Variants in PCLO observed in about 807,000 individuals in gnomAD.
PCLO encodes the protein piccolo presynaptic cytomatrix protein.
Under a neutral mutation model 427.5 loss-of-function variants are expected in PCLO, and 82 were observed. The observed-to-expected ratio is 0.19, with a 90% confidence interval of 0.16 to 0.23. PCLO has a LOEUF of 0.23. PCLO is among the 10% of genes least tolerant of loss of function. The probability of loss-of-function intolerance (pLI) is 1.00; values close to 1 mark genes in which losing one functional copy is unlikely to be tolerated. For missense variants in PCLO, 6,239 were observed against 6,115.9 expected, an observed-to-expected ratio of 1.02 and a Z score of -0.67; for synonymous variants, 2,357 against 2,155.4, an observed-to-expected ratio of 1.09 and a Z score of -2.59.
intron 6 of PCLO, among the ~76,000 whole-genome samples, chr7:82,941,058 G>A (rs955829867): frequency 2.0e-5 from 3 of 151,022 alleles, no homozygotes; most frequent in South Asian, 2.1e-4. Context: ...CACCGTGCCC[G>A]AATGATTTCT....
chr7:82,779,327 A>C (rs1319689479), intron 22 of PCLO, among the ~76,000 whole-genome samples: 1 of 152,150 alleles, frequency 6.6e-6, no homozygotes. Context: ...TTGAATAATA[A>C]CTGAATAATA....
At chr7:82,975,465 A>G (rs556539438) in intron 3 of PCLO, among the ~76,000 whole-genome samples, 2 of 152,300 alleles carry the variant, frequency 1.3e-5, no homozygotes, top group Non-Finnish European at 2.9e-5. Flanking sequence ...GGGTCACACT[A>G]GACTGTCTAG....
At chr7:82,839,623 C>T (rs1001146410) in intron 14 of PCLO, among the ~76,000 whole-genome samples, 2 of 152,046 alleles carry the variant, frequency 1.3e-5, no homozygotes, top group African/African-American at 4.8e-5. Context: ...AAACACTTCC[C>T]CATTCTCTCC....
chr7:82,915,464 T>C lies in PCLO; in HGVS notation c.12522A>G (p.Gln4174=), dbSNP rs1437368712. ...TGGCTGCTGGCAGTTGTTTTGCTGC[T>C]TGTTTTTCAAGTGTGAGTCTACTGA... ...YSISRLTLEK[Q]AAKQLPAAIL... is the part of the protein sequence containing the mutation. The change falls in exon 7 of 25, where the codon CAA becomes CAG. Residue 4174 remains glutamine, a synonymous_variant. Coordinates refer to ENST00000333891, the MANE Select transcript of PCLO (RefSeq NM_033026.6). 1 of 1,613,670 alleles carries C rather than the reference T, an allele frequency of 6.2e-7. No homozygotes were observed.
intron 22 of PCLO, among the ~76,000 whole-genome samples, chr7:82,783,493 G>T (rs1790918812): frequency 6.6e-6 from 1 of 152,074 alleles, no homozygotes; most frequent in Non-Finnish European, 1.5e-5. Flanking sequence ...ATGGTGGCGG[G>T]CTCCTGTAGT....
intron 3 of PCLO, among the ~76,000 whole-genome samples, chr7:83,075,721 TATACACAC>T (rs1257763257): frequency 6.6e-6 from 1 of 152,164 alleles, no homozygotes; most frequent in African/African-American, 2.4e-5. Context: ...CTCATATGTA[TATACACAC>T]ATACACACAC....
At chr7:83,043,439 C>G (rs1789020509) in intron 3 of PCLO, among the ~76,000 whole-genome samples, 1 of 152,108 alleles carries the variant, frequency 6.6e-6, no homozygotes, top group African/African-American at 2.4e-5. Flanking sequence ...TTTGAAATGA[C>G]ATTATTTCAA....
intron 2 of PCLO, among the ~76,000 whole-genome samples, chr7:83,152,090 T>A (rs886954215): frequency 6.6e-6 from 1 of 151,866 alleles, no homozygotes; most frequent in Non-Finnish European, 1.5e-5. Context: ...TCAGCCTCCC[T>A]AGTAGCTGGG....
At chr7:83,040,716 T>A (rs1788953133) in intron 3 of PCLO, among the ~76,000 whole-genome samples, 2 of 152,126 alleles carry the variant, frequency 1.3e-5, no homozygotes, top group Non-Finnish European at 2.9e-5. Flanking sequence ...TAGGCTGAAC[T>A]TCTCCATACT....
intron 9 of PCLO, among the ~76,000 whole-genome samples, chr7:82,891,183 T>G (rs188855540): frequency 5.5e-4 from 84 of 152,274 alleles, no homozygotes; most frequent in Non-Finnish European, 1.1e-3. Flanking sequence ...TTGCCAGTGT[T>G]GGAAATTCCA....
At position 82,822,567 on chromosome 7, in the gene PCLO, T is replaced by G. The variant is rs555710577; in HGVS notation, c.14719A>C (p.Thr4907Pro). The G allele has an allele frequency of 6.2e-7, 1 of 1,613,884 alleles. No individual in the cohort carries two copies. The highest frequency in any genetic ancestry group is 1.7e-5 in the Admixed American group (1 of 60,008). The stretch of plus-strand genomic sequence containing the variant: ...GCAGCCCCTGCATCTTCCAGGTGGG[T>G]CTGAGTGACGCTGGTTTTGCTTTGA... The part of the protein sequence containing the change: ...RSQSKTSVTQ[T>P]HLEDAGAAIA... Residue 4907 changes from threonine to proline, a missense_variant, in exon 20 of 25, where the codon ACC becomes CCC. Physicochemically the swap from Thr to Pro is conservative, Grantham distance 38. This residue lies in a region of PCLO where 877 missense variants were observed against 925.5 expected (regional missense o/e 0.95). Coordinates refer to ENST00000333891, the MANE Select transcript of PCLO (RefSeq NM_033026.6).
At chr7:82,905,796 G>A (rs1794175421) in intron 8 of PCLO, among the ~76,000 whole-genome samples, 1 of 151,984 alleles carries the variant, frequency 6.6e-6, no homozygotes, top group African/African-American at 2.4e-5. Context: ...AGTTGGGTAG[G>A]AATTGCAGAT....
At chr7:83,099,391 G>GT (rs11363474) in intron 3 of PCLO, among the ~76,000 whole-genome samples, 6,650 of 143,634 alleles carry the variant, frequency 0.046, 498 homozygotes, top group African/African-American at 0.16. Context: ...AGATTTTTTT[G>GT]TTTTTTTTTT....
In PCLO at chr7:83,155,977, G is replaced by C. The variant is rs1792286069; in HGVS notation, c.664C>G (p.Gln222Glu). ...QQQPPKPIPKQQGPGRDPLQQ... is the reference protein window; with the variant it reads ...QQQPPKPIPKEQGPGRDPLQQ... ...AGCGGATCCCTACCAGGTCCTTGCT[G>C]CTTAGGAATCGGCTTGGGTGGCTGT... is the stretch of plus-strand genomic sequence containing the variant. The change falls in exon 2 of 25, where the codon CAG becomes GAG. Residue 222 changes from glutamine (Q) to glutamate (E), a missense_variant. Transcript: ENST00000333891. 1 of 1,613,628 alleles carries C rather than the reference G, an allele frequency of 6.2e-7. No individual in the cohort carries two copies. Among genetic ancestry groups the C allele is most frequent in the African/African-American group, 1.3e-5 (1 of 74,832 alleles).
At chr7:83,141,379 G>A (rs1001063228) in intron 2 of PCLO, among the ~76,000 whole-genome samples, 1 of 152,140 alleles carries the variant, frequency 6.6e-6, no homozygotes, top group Admixed American at 6.5e-5. Context: ...CCTATCTATA[G>A]CCTTACTTAC....
chr7:83,145,707 ATG>A (rs1312504586), intron 2 of PCLO, among the ~76,000 whole-genome samples: 14 of 152,216 alleles, frequency 9.2e-5, no homozygotes, highest in Non-Finnish European at 1.8e-4. Context: ...ATAACACTGA[ATG>A]TTTACCTACA....
intron 9 of PCLO, among the ~76,000 whole-genome samples, chr7:82,891,742 T>G (rs1262402173): frequency 6.6e-6 from 1 of 152,112 alleles, no homozygotes; most frequent in Non-Finnish European, 1.5e-5. Flanking sequence ...GTTTTTATCA[T>G]GAAGCGCTGT....
chr7:82,761,361 G>C lies in PCLO; in HGVS notation c.15140C>G (p.Pro5047Arg). 7.0e-7 allele frequency: 1 copy of C among 1,438,030 alleles called. No homozygotes were observed. The allele number at this position is 1,438,030 out of a possible 1,614,324, so 89.1% of individuals were successfully genotyped here. A position where few individuals can be genotyped will look rare whatever the true frequency, so the allele number is the denominator to read the frequency against. Residue 5047 changes from proline to arginine, a missense_variant and splice_region_variant, in exon 23 of 25, where the codon CCA becomes CGA. Around this residue, in one of 5 missense-constraint regions of PCLO, gnomAD observed 877 missense variants for 925.5 expected, o/e 0.95. Coordinates refer to ENST00000333891, the MANE Select transcript of PCLO (RefSeq NM_033026.6). ...ATGATTATAATAGAATTAGATACCT[G>C]GTAGATGATCAGGAGACTTAAATTT... is the stretch of plus-strand genomic sequence containing the variant. ...TYKFKSPDHL[P>R]DLYVKIYVMN...
In PCLO at chr7:82,998,391, AAACAACAACAAC is replaced by A. The variant is rs79603092; in HGVS notation, c.3301-31916_3301-31905del. On this transcript the variant is annotated intron_variant, in intron 3 of 24. Coordinates refer to ENST00000333891, the MANE Select transcript of PCLO (RefSeq NM_033026.6). Reference sequence around the variant, plus strand: ...TCTCTCAACAAGGTCTGTCCTTTAAAAACAACAACAACAACAACAACAACAACAACAACAACA... The same window carrying A: ...TCTCTCAACAAGGTCTGTCCTTTAAAAACAACAACAACAACAACAACAACA... Among the ~76,000 whole-genome samples, 243 of 149,284 alleles carry A rather than the reference AAACAACAACAAC, an allele frequency of 1.6e-3. 1 individual carries two copies. The highest frequency in any genetic ancestry group is 4.9e-3 in the African/African-American group (198 of 40,694).
Sources: allele counts gnomAD v4.1 joint callset (sites outside exome capture counted in the v4.1 genomes callset), GRCh38; gene constraint gnomAD v4.1.1; regional missense constraint gnomAD v4.1.1; transcripts MANE v1.5; gene names NCBI Gene and HGNC (gene_info 2026-07-23, HGNC 2026-07-21).